UBE2L3: variants seen among roughly 807,000 people sequenced by gnomAD.
UBE2L3 encodes ubiquitin-conjugating enzyme E2 L3.
UBE2L3 carries 1 observed loss-of-function variant against 17.8 expected under a neutral mutation model. That is an observed-to-expected ratio of 0.06 (90% CI 0.02 to 0.27). The LOEUF (loss-of-function observed/expected upper bound fraction) is 0.27. UBE2L3 is among the 10% of genes least tolerant of loss of function. The probability of loss-of-function intolerance (pLI) is 1.00; values close to 1 mark genes in which losing one functional copy is unlikely to be tolerated. For synonymous variants in UBE2L3, 44 were observed against 68.5 expected, an observed-to-expected ratio of 0.64 and a Z score of 1.76; for missense variants, 40 against 192.6, an observed-to-expected ratio of 0.21 and a Z score of 4.69.
intron 1 of UBE2L3, among the ~76,000 whole-genome samples, chr22:21,556,512 G>A (rs1266900444): frequency 6.6e-5 from 10 of 152,348 alleles, no homozygotes; most frequent in South Asian, 2.1e-4. Context: ...ATACTGCAAC[G>A]TTCGCCTCCT....
intron 1 of UBE2L3, among the ~76,000 whole-genome samples, chr22:21,557,533 T>A (rs1926279642): frequency 1.3e-5 from 2 of 152,366 alleles, no homozygotes; most frequent in East Asian, 3.9e-4. Context: ...CTACTCTTTT[T>A]TTTTTTTGAG....
intron 1 of UBE2L3, among the ~76,000 whole-genome samples, chr22:21,579,148 G>A (rs540185383): frequency 1.3e-5 from 2 of 151,800 alleles, no homozygotes; most frequent in South Asian, 2.1e-4. Flanking sequence ...CCGCCACCAC[G>A]CCTGGCTAAT....
intron 1 of UBE2L3, among the ~76,000 whole-genome samples, chr22:21,573,486 G>A (rs1034481864): frequency 2.6e-5 from 4 of 152,088 alleles, no homozygotes; most frequent in South Asian, 4.2e-4. Flanking sequence ...AAAATGGCAC[G>A]TACCTGGAAC....
intron 1 of UBE2L3, among the ~76,000 whole-genome samples, chr22:21,556,535 T>C (rs1008209891): frequency 1.8e-4 from 28 of 152,226 alleles, no homozygotes; most frequent in Non-Finnish European, 3.5e-4. Flanking sequence ...ACTTAAGCAA[T>C]CCTCTCACTT....
upstream of UBE2L3, chr22:21,567,421 C>A: frequency 3.0e-6 from 1 of 328,342 alleles, no homozygotes; most frequent in Non-Finnish European, 5.5e-6. Flanking sequence ...CCTCGGTCTC[C>A]CAAAGTGCTG....
intron 2 of UBE2L3, among the ~76,000 whole-genome samples, chr22:21,608,516 C>T (rs1008349801): frequency 6.6e-6 from 1 of 152,068 alleles, no homozygotes; most frequent in Non-Finnish European, 1.5e-5. Flanking sequence ...CTCTGCCTCC[C>T]GGGTTTAAGC....
At chr22:21,588,236 C>CT (rs1568977588) in intron 1 of UBE2L3, among the ~76,000 whole-genome samples, 1 of 152,126 alleles carries the variant, frequency 6.6e-6, no homozygotes, top group African/African-American at 2.4e-5. Context: ...TTATCAGGTC[C>CT]TTTCTTCTGT....
chr22:21,617,244 A>G (rs1338263675), intron 3 of UBE2L3, among the ~76,000 whole-genome samples: 1 of 151,244 alleles, frequency 6.6e-6, no homozygotes, highest in Non-Finnish European at 1.5e-5. Context: ...AAAATTGGCT[A>G]ATTTGTTGTG....
chr22:21,584,407 C>T (rs1285991910), intron 1 of UBE2L3, among the ~76,000 whole-genome samples: 2 of 149,014 alleles, frequency 1.3e-5, no homozygotes, highest in African/African-American at 5.0e-5. Flanking sequence ...GAACTCCTGA[C>T]CTTGTGTTCT....
At chr22:21,610,809 A>T (rs1429448637) in intron 2 of UBE2L3, 48 bp from the exon 3 acceptor site, 1 of 1,492,220 alleles carries the variant, frequency 6.7e-7, no homozygotes, top group East Asian at 2.4e-5. Flanking sequence ...TCTTGGCCAT[A>T]GGTTTATGAA....
intron 1 of UBE2L3, among the ~76,000 whole-genome samples, chr22:21,575,937 A>G (rs1927268070): frequency 6.6e-6 from 1 of 151,776 alleles, no homozygotes; most frequent in African/African-American, 2.4e-5. Flanking sequence ...TGCCCAGCTT[A>G]AAATTGAATA....
intron 1 of UBE2L3, among the ~76,000 whole-genome samples, chr22:21,575,833 G>A (rs1927259415): frequency 6.6e-6 from 1 of 151,106 alleles, no homozygotes; most frequent in East Asian, 2.0e-4. Context: ...TAGTAGAGAC[G>A]GGGTTTCTCC....
At chr22:21,567,698 C>A, upstream of UBE2L3, 4 of 1,562,322 alleles carry the variant, frequency 2.6e-6, no homozygotes, top group Non-Finnish European at 2.6e-6. Flanking sequence ...TCCAGCCGCC[C>A]GGCCGGCCGC....
In UBE2L3 at chr22:21,560,928, G is replaced by C. The variant is rs552509225; in HGVS notation, c.201+11278G>C. 4.6e-5 allele frequency among the ~76,000 whole-genome samples: 7 copies of C among 152,414 alleles called. No individual in the cohort carries two copies. The East Asian group carries it at 1.3e-3, about 29-fold the overall frequency. ...TGCAATCTAGCCAGGGGATGACAAG[G>C]GCCAAGTAATGTGTTAATTTCTTCA... On this transcript the variant is annotated intron_variant, in intron 1 of 3. Coordinates refer to the UBE2L3 transcript ENST00000458578.
chr22:21,556,947 G>A (rs1455955361), intron 1 of UBE2L3, among the ~76,000 whole-genome samples: 29 of 152,230 alleles, frequency 1.9e-4, no homozygotes, highest in African/African-American at 5.3e-4. Context: ...CCAGCTACTC[G>A]GGAGGCTGAG....
chr22:21,601,960 T>C (rs1601428116), intron 2 of UBE2L3, among the ~76,000 whole-genome samples: 2 of 119,968 alleles, frequency 1.7e-5, no homozygotes, highest in African/African-American at 3.2e-5. Flanking sequence ...CGACAGAGAC[T>C]CCATCTCAAA....
chr22:21,582,119 C>CA lies in UBE2L3; in HGVS notation c.28-10731dup, dbSNP rs559477853. On this transcript the variant is annotated intron_variant, in intron 1 of 3. Transcript: ENST00000342192. ...TGGGTGACAGAGTGAGACTTCATCT[C>CA]AAAAAAAAAAACAAAAAAACAAACA... 8.1e-3 allele frequency among the ~76,000 whole-genome samples: 672 copies of CA among 82,662 alleles called. 1 individual carries two copies. Among genetic ancestry groups the CA allele is most frequent in the African/African-American group, 0.017 (382 of 21,996 alleles). The allele number at this position is 82,662 out of a possible 152,430, so 54.2% of individuals were successfully genotyped here.
chr22:21,561,149 A>ACCAG (rs1393782738), intron 1 of UBE2L3, among the ~76,000 whole-genome samples: 3 of 152,282 alleles, frequency 2.0e-5, no homozygotes, highest in Non-Finnish European at 4.4e-5. Flanking sequence ...TGAGCCTCTG[A>ACCAG]CCAGCCAGAT....
At chr22:21,597,124 G>A (rs913082821) in intron 2 of UBE2L3, among the ~76,000 whole-genome samples, 2 of 151,450 alleles carry the variant, frequency 1.3e-5, no homozygotes, top group South Asian at 2.1e-4. Context: ...GACTATAGGC[G>A]TGCACCACCA....
Sources: gnomAD v4.1 joint callset for allele counts (sites outside exome capture counted in the v4.1 genomes callset) on GRCh38, gnomAD v4.1.1 for gene constraint, MANE v1.5 for transcripts, NCBI Gene and HGNC (gene_info 2026-07-23, HGNC 2026-07-21) for gene names.